The following PPP1R7 variants were observed in gnomAD, a reference collection of about 807,000 sequenced individuals.
PPP1R7 encodes the protein protein phosphatase 1 regulatory subunit 7.
Under a neutral mutation model 45.2 loss-of-function variants are expected in PPP1R7, and 18 were observed. The observed-to-expected ratio is 0.40, with a 90% CI of 0.28 to 0.59. PPP1R7 has a LOEUF of 0.59. Ranked by LOEUF, PPP1R7 falls within the 20% of genes least tolerant of loss-of-function variation. The pLI is 0.46. For missense variants in PPP1R7, 314 were observed against 455.8 expected, an observed-to-expected ratio of 0.69 and a Z score of 2.83; for synonymous variants, 181 against 183.4, an observed-to-expected ratio of 0.99 and a Z score of 0.11.
chr2:241,167,126 C>G (rs2067732713), intron 8 of PPP1R7: 1 of 1,540,974 alleles, frequency 6.5e-7, no homozygotes, highest in African/African-American at 1.4e-5. Flanking sequence ...TCACCCTGCT[C>G]TGCCCCAGTG....
chr2:241,162,683 C>CT (rs1232024996), intron 6 of PPP1R7, among the ~76,000 whole-genome samples: 25,191 of 134,336 alleles, frequency 0.19, 3,901 homozygotes, highest in East Asian at 0.56. Flanking sequence ...CTTGGGAGGA[C>CT]TTTTTTTTTT....
chr2:241,163,913 CCTTT>C (rs139105506), intron 7 of PPP1R7, among the ~76,000 whole-genome samples: 4,211 of 151,614 alleles, frequency 0.028, 193 homozygotes, highest in African/African-American at 0.096. Flanking sequence ...CCACTCGTGG[CCTTT>C]CTTTTTTTTT....
chr2:241,151,490 T>C (rs1459404359), intron 1 of PPP1R7: 1 of 470,828 alleles, frequency 2.1e-6, no homozygotes, highest in Non-Finnish European at 4.4e-6. Flanking sequence ...GGCAACGAGG[T>C]TGGGGATAGG....
intron 9 of PPP1R7, 158 bp downstream of exon 9, chr2:241,170,025 T>C (rs1411094999): frequency 3.3e-6 from 2 of 606,730 alleles, no homozygotes; most frequent in East Asian, 2.8e-5. Flanking sequence ...TAGACTTGTA[T>C]TGGGTGTTGT....
At chr2:241,150,690 C>A in intron 1 of PPP1R7, 143 bp downstream of exon 1, 1 of 1,239,416 alleles carries the variant, frequency 8.1e-7, no homozygotes, top group Non-Finnish European at 1.0e-6. Flanking sequence ...CAGCCGGACC[C>A]GGGGGAGCGG....
intron 8 of PPP1R7, among the ~76,000 whole-genome samples, chr2:241,167,733 G>A (rs1433088319): frequency 2.0e-5 from 3 of 152,038 alleles, no homozygotes; most frequent in African/African-American, 2.4e-5. Context: ...ATTATTCTTG[G>A]GCCTCTGAAA....
intron 1 of PPP1R7, among the ~76,000 whole-genome samples, chr2:241,152,111 G>T (rs1166231775): frequency 6.6e-6 from 1 of 152,200 alleles, no homozygotes; most frequent in African/African-American, 2.4e-5. Context: ...CCTGTGCCTG[G>T]TGGTGACTAA....
chr2:241,171,115 G>A (rs1033695257), intron 9 of PPP1R7, among the ~76,000 whole-genome samples: 1 of 152,222 alleles, frequency 6.6e-6, no homozygotes, highest in African/African-American at 2.4e-5. Context: ...TGATACTGAA[G>A]CAATGTTCCT....
At chr2:241,175,667 T>C (rs543320491) in intron 9 of PPP1R7, among the ~76,000 whole-genome samples, 5 of 152,226 alleles carry the variant, frequency 3.3e-5, no homozygotes, top group Non-Finnish European at 7.3e-5. Flanking sequence ...TGATCATGGC[T>C]CACTGAAGCC....
chr2:241,172,598 C>T (rs1559426283), intron 9 of PPP1R7, among the ~76,000 whole-genome samples: 1 of 151,006 alleles, frequency 6.6e-6, no homozygotes, highest in Admixed American at 6.6e-5. Flanking sequence ...GGGCCAAGAT[C>T]GTGCCACTGC....
chr2:241,151,102 T>G (rs1301234738), intron 1 of PPP1R7, among the ~76,000 whole-genome samples: 1 of 152,186 alleles, frequency 6.6e-6, no homozygotes, highest in African/African-American at 2.4e-5. Flanking sequence ...TCCTCCTCAT[T>G]CACTTTGTTG....
At chr2:241,167,967 C>G (rs907535062) in intron 8 of PPP1R7, among the ~76,000 whole-genome samples, 1 of 152,158 alleles carries the variant, frequency 6.6e-6, no homozygotes. Flanking sequence ...GACGACACCC[C>G]CCATCCCAGT....
intron 6 of PPP1R7, among the ~76,000 whole-genome samples, chr2:241,162,366 G>T (rs989733437): frequency 6.6e-6 from 1 of 152,192 alleles, no homozygotes; most frequent in Non-Finnish European, 1.5e-5. Context: ...CTTGTTCTGA[G>T]AGAGAGTGAA....
At chr2:241,178,590 A>G (rs12473813) in intron 9 of PPP1R7, among the ~76,000 whole-genome samples, 34,303 of 116,152 alleles carry the variant, frequency 0.3, 5,811 homozygotes, top group Middle Eastern at 0.47. Flanking sequence ...CCGAGTAGCT[A>G]GGACTACAGG....
At chr2:241,158,801 C>T in intron 4 of PPP1R7, 2 of 521,622 alleles carry the variant, frequency 3.8e-6, no homozygotes, top group Non-Finnish European at 6.9e-6. Context: ...TCTGGCCTGC[C>T]TCGGTTTCTG....
At chr2:241,158,576 A>G (rs763963334) in intron 4 of PPP1R7, 27 bp downstream of exon 4, 27 of 1,595,120 alleles carry the variant, frequency 1.7e-5, no homozygotes, top group Non-Finnish European at 2.1e-5. Flanking sequence ...TGAGGGGACT[A>G]TGACGCTCAC....
intron 9 of PPP1R7, among the ~76,000 whole-genome samples, chr2:241,176,755 C>T (rs932453462): frequency 1.3e-5 from 2 of 152,206 alleles, no homozygotes; most frequent in Non-Finnish European, 2.9e-5. Context: ...GCCACTGTGC[C>T]TGGCCATATC....
At chr2:241,150,178 C>T, upstream of PPP1R7, 1 of 1,279,800 alleles carries the variant, frequency 7.8e-7, no homozygotes, top group Non-Finnish European at 9.9e-7. Context: ...CGTCTCTCCA[C>T]TCTGCCTAGA....
intron 1 of PPP1R7, among the ~76,000 whole-genome samples, chr2:241,152,535 T>G (rs1022064308): frequency 2.6e-5 from 4 of 152,172 alleles, no homozygotes; most frequent in African/African-American, 9.7e-5. Flanking sequence ...GAGGTGGGTT[T>G]TATAAGGACT....
Sources: gnomAD v4.1 joint callset for allele counts (sites outside exome capture counted in the v4.1 genomes callset) on GRCh38, gnomAD v4.1.1 for gene constraint, MANE v1.5 for transcripts, NCBI Gene and HGNC (gene_info 2026-07-23, HGNC 2026-07-21) for gene names.